PITPNB: variants seen among roughly 807,000 people sequenced by gnomAD.
PITPNB encodes the protein phosphatidylinositol transfer protein beta, also known as phosphatidylinositol transfer protein beta isoform.
In PITPNB, 16 loss-of-function variants were observed where a neutral mutation model predicts 45.9. The observed-to-expected ratio is 0.35, with a 90% CI of 0.24 to 0.53. The LOEUF (loss-of-function observed/expected upper bound fraction) is 0.53, where lower values mean the gene tolerates loss of function less well. Among genes scored for constraint, PITPNB ranks in the 20% least tolerant of loss-of-function variants. The pLI is 0.93. For missense variants in PITPNB, 188 were observed against 330.5 expected (o/e 0.57, Z 3.34); for synonymous variants, 112 against 108.9 (o/e 1.03, Z -0.18).
At chr22:27,879,961 T>G (rs1406066502) in intron 7 of PITPNB, among the ~76,000 whole-genome samples, 1 of 152,116 alleles carries the variant, frequency 6.6e-6, no homozygotes, top group Non-Finnish European at 1.5e-5. Context: ...AAAGTTAAAA[T>G]ATGAAAAAAA....
intron 7 of PITPNB, among the ~76,000 whole-genome samples, chr22:27,880,377 A>G (rs1268833574): frequency 6.6e-6 from 1 of 152,190 alleles, no homozygotes; most frequent in Non-Finnish European, 1.5e-5. Flanking sequence ...TAAAAACTTG[A>G]CTTGGAGCTG....
chr22:27,893,073 A>T (rs1216491535), intron 7 of PITPNB, among the ~76,000 whole-genome samples: 1 of 152,238 alleles, frequency 6.6e-6, no homozygotes, highest in Non-Finnish European at 1.5e-5. Flanking sequence ...AGAAATGGAA[A>T]GGGACGCCTA....
chr22:27,883,515 G>T (rs911182393), intron 7 of PITPNB, among the ~76,000 whole-genome samples: 1 of 152,256 alleles, frequency 6.6e-6, no homozygotes, highest in African/African-American at 2.4e-5. Context: ...GCGCAGGAAT[G>T]GCCTGGAGGG....
intron 7 of PITPNB, among the ~76,000 whole-genome samples, chr22:27,876,125 T>G (rs1934813697): frequency 6.6e-6 from 1 of 152,232 alleles, no homozygotes; most frequent in Non-Finnish European, 1.5e-5. Context: ...AGGGCTCACC[T>G]ACCCCAGCAC....
At chr22:27,896,440 T>A (rs1935434281) in intron 6 of PITPNB, 112 bp downstream of exon 6, 1 of 761,278 alleles carries the variant, frequency 1.3e-6, no homozygotes, top group African/African-American at 1.7e-5. Context: ...TTGACACAGC[T>A]TGGTGCGGTC....
At chr22:27,903,307 T>C (rs1935655543) in intron 3 of PITPNB, among the ~76,000 whole-genome samples, 1 of 151,356 alleles carries the variant, frequency 6.6e-6, no homozygotes, top group South Asian at 2.1e-4. Flanking sequence ...CCGTCTCTAC[T>C]AAAAATACAA....
intron 8 of PITPNB, among the ~76,000 whole-genome samples, chr22:27,867,637 T>A (rs915438363): frequency 1.3e-5 from 2 of 152,226 alleles, no homozygotes; most frequent in Admixed American, 1.3e-4. Context: ...ACTCCAGGAG[T>A]GACACTATTT....
intron 7 of PITPNB, among the ~76,000 whole-genome samples, chr22:27,874,431 G>C (rs921563909): frequency 6.6e-6 from 1 of 152,158 alleles, no homozygotes; most frequent in African/African-American, 2.4e-5. Flanking sequence ...CACTGTCAAA[G>C]GAGGCGAAGG....
intron 3 of PITPNB, among the ~76,000 whole-genome samples, chr22:27,898,353 CA>C (rs1262355387): frequency 6.7e-6 from 1 of 149,300 alleles, no homozygotes; most frequent in Non-Finnish European, 1.5e-5. Flanking sequence ...CTAGCCTGGG[CA>C]AAAGAGCAAG....
In PITPNB at chr22:27,901,879, T is replaced by C. The variant is rs1409226751; in HGVS notation, c.198-3987A>G. 2.0e-5 allele frequency among the ~76,000 whole-genome samples: 3 copies of C among 151,990 alleles called. No homozygotes were observed. The East Asian group carries it at 5.8e-4, about 29-fold the overall frequency. On this transcript the variant is annotated intron_variant, in intron 3 of 11. Transcript: ENST00000335272. The stretch of plus-strand genomic sequence containing the variant: ...AGCCTGGGGACACAGTGAGACTGTG[T>C]CTCAAAAATAATAATAATAAATATA...
intron 7 of PITPNB, among the ~76,000 whole-genome samples, chr22:27,888,248 T>G (rs931674445): frequency 1.3e-4 from 20 of 152,202 alleles, no homozygotes; most frequent in Admixed American, 1.1e-3. Context: ...TGTGCCACAA[T>G]GATTTTAATC....
intron 8 of PITPNB, among the ~76,000 whole-genome samples, chr22:27,872,877 A>G (rs887920677): frequency 2.0e-5 from 3 of 152,252 alleles, no homozygotes; most frequent in Non-Finnish European, 2.9e-5. Flanking sequence ...AGTTTAGTAG[A>G]TGTCTTTAAA....
intron 4 of PITPNB, 24 bp downstream of exon 4, chr22:27,897,777 A>G (rs1569027113): frequency 1.3e-6 from 2 of 1,512,448 alleles, no homozygotes; most frequent in East Asian, 4.5e-5. Flanking sequence ...GAGGGGTGCA[A>G]TGGCTGCTGG....
chr22:27,904,749 A>C (rs1227221065), intron 3 of PITPNB, among the ~76,000 whole-genome samples: 1 of 152,148 alleles, frequency 6.6e-6, no homozygotes, highest in Non-Finnish European at 1.5e-5. Context: ...GAGATGGAAG[A>C]AAGAAAGAAA....
chr22:27,867,989 C>G lies in PITPNB; in HGVS notation c.534+5749G>C, dbSNP rs796309807. ...AAAATCAAATAAAAAATGTAGTCAT[C>G]AAACTAGATATTAAAAAAAAATCAG... On this transcript the variant is annotated intron_variant, in intron 8 of 11. Transcript: ENST00000335272. Among the ~76,000 whole-genome samples, 43 of 152,078 alleles carry G rather than the reference C, an allele frequency of 2.8e-4. 1 individual carries two copies. The highest frequency in any genetic ancestry group is 9.9e-4 in the African/African-American group (41 of 41,498).
chr22:27,863,799 G>A (rs1200080090), intron 8 of PITPNB, among the ~76,000 whole-genome samples: 3 of 152,158 alleles, frequency 2.0e-5, no homozygotes, highest in Non-Finnish European at 2.9e-5. Flanking sequence ...GTACACATAC[G>A]TGACTTCAAC....
At chr22:27,858,916 A>C (rs1160074186) in intron 9 of PITPNB, among the ~76,000 whole-genome samples, 1 of 152,252 alleles carries the variant, frequency 6.6e-6, no homozygotes, top group Non-Finnish European at 1.5e-5. Context: ...ATGAGGTGGA[A>C]TACAATAATG....
chr22:27,868,551 C>CGTAG (rs1472869889), intron 8 of PITPNB, among the ~76,000 whole-genome samples: 1 of 152,194 alleles, frequency 6.6e-6, no homozygotes, highest in Non-Finnish European at 1.5e-5. Context: ...ATGGCCTCTA[C>CGTAG]GGCTGTTCTA....
At position 27,894,614 on chromosome 22, in the gene PITPNB, A is replaced by T; in HGVS notation, c.397T>A (p.Trp133Arg). The change falls in exon 7 of 12, where the codon TGG becomes AGG. Residue 133 changes from tryptophan to arginine, a missense_variant. By Grantham distance (101) the Trp-to-Arg change is moderately radical. Coordinates refer to ENST00000335272, the MANE Select transcript of PITPNB (RefSeq NM_012399.5). ...ENVHGLDPNT[W>R]KTVEIVHIDI... ...ATATGGACAATTTCAACAGTTTTCC[A>T]TGTGTTTGGATCTAAACCATGTACC... The T allele has an allele frequency of 6.2e-7, 1 of 1,604,206 alleles. No homozygotes were observed. Among genetic ancestry groups the T allele is most frequent in the Non-Finnish European group, 8.5e-7 (1 of 1,171,790 alleles).
Sources: gnomAD v4.1 joint callset for allele counts (sites outside exome capture counted in the v4.1 genomes callset) on GRCh38, gnomAD v4.1.1 for gene constraint, MANE v1.5 for transcripts, NCBI Gene and HGNC (gene_info 2026-07-23, HGNC 2026-07-21) for gene names.